Variants in PLCL1 observed in about 807,000 individuals in gnomAD.
PLCL1 encodes the protein phospholipase C like 1 (inactive).
PLCL1 carries 41 observed loss-of-function variants against 84.4 expected under a neutral mutation model. That is an observed-to-expected ratio of 0.49 (90% CI 0.38 to 0.63). The LOEUF is 0.63. Ranked by LOEUF, PLCL1 falls within the 30% of genes least tolerant of loss-of-function variation. The probability of loss-of-function intolerance (pLI) is 0.00; values close to 1 mark genes in which losing one functional copy is unlikely to be tolerated. For missense variants in PLCL1, 1,206 were observed against 1,367.8 expected, an observed-to-expected ratio of 0.88 and a Z score of 1.87; for synonymous variants, 490 against 488.3, an observed-to-expected ratio of 1.00 and a Z score of -0.05.
chr2:197,988,035 G>T (rs1173657878), intron 1 of PLCL1, among the ~76,000 whole-genome samples: 4 of 152,162 alleles, frequency 2.6e-5, no homozygotes, highest in African/African-American at 9.7e-5. Flanking sequence ...GAGGGAAAGA[G>T]CAGTGATCGG....
intron 1 of PLCL1, among the ~76,000 whole-genome samples, chr2:197,940,418 T>C (rs748378412): frequency 1.3e-5 from 2 of 152,234 alleles, no homozygotes; most frequent in Admixed American, 6.5e-5. Flanking sequence ...ATGATGTTTT[T>C]CAGCTTTCAG....
At chr2:197,962,404 T>A (rs1689640097) in intron 1 of PLCL1, among the ~76,000 whole-genome samples, 1 of 152,148 alleles carries the variant, frequency 6.6e-6, no homozygotes, top group Non-Finnish European at 1.5e-5. Context: ...TTCTGGATCA[T>A]CCATCACTGT....
chr2:198,091,660 A>G lies in PLCL1; in HGVS notation c.2919+2599A>G, dbSNP rs572333708. ...GCGCCATCGCACTCCAGCCTGGGTG[A>G]CAGAGCAAGATGCAATCTCAAATAA... On this transcript the variant is annotated intron_variant, in intron 3 of 5. Transcript: ENST00000428675. Among the ~76,000 whole-genome samples, 194 of 151,616 alleles carry G rather than the reference A, an allele frequency of 1.3e-3. 1 individual carries two copies. The highest frequency in any genetic ancestry group is 4.4e-3 in the African/African-American group (183 of 41,268).
At chr2:198,076,050 A>G (rs1159097541) in intron 1 of PLCL1, among the ~76,000 whole-genome samples, 1 of 152,214 alleles carries the variant, frequency 6.6e-6, no homozygotes. Context: ...TTTTATTTAG[A>G]TTGTCCCTTC....
chr2:197,866,685 T>C (rs1027846659), intron 1 of PLCL1, among the ~76,000 whole-genome samples: 3 of 152,292 alleles, frequency 2.0e-5, no homozygotes, highest in Non-Finnish European at 4.4e-5. Context: ...ATTCTGAAGC[T>C]GTGTTTTGCA....
At chr2:198,057,294 G>A (rs1692091563) in intron 1 of PLCL1, among the ~76,000 whole-genome samples, 7 of 152,116 alleles carry the variant, frequency 4.6e-5, no homozygotes, top group Admixed American at 4.6e-4. Context: ...GGCTCTTGAT[G>A]GTGCTGGGTT....
intron 1 of PLCL1, among the ~76,000 whole-genome samples, chr2:198,052,943 A>G (rs1320185296): frequency 1.3e-5 from 2 of 152,232 alleles, no homozygotes. Context: ...AAGTAATCAT[A>G]TGCTATATAT....
At position 197,866,036 on chromosome 2, in the gene PLCL1, A is replaced by ATATAT. The variant is rs1223736513; in HGVS notation, c.240+60697_240+60698insTATAT. 9.7e-3 allele frequency among the ~76,000 whole-genome samples: 274 copies of ATATAT among 28,238 alleles called. 64 individuals carry two copies. Among genetic ancestry groups the ATATAT allele is most frequent in the African/African-American group, 0.016 (42 of 2,640 alleles). 18.5% of individuals were successfully genotyped at this position (28,238 alleles called of 152,430 possible). ...AAAAAAAAAAAAAAAAAAAAAAAAA[A>ATATAT]ATATATATATATATATACACACACA... On this transcript the variant is annotated intron_variant, in intron 1 of 5. Transcript: ENST00000428675.
At chr2:197,946,471 A>C (rs1349072116) in intron 1 of PLCL1, among the ~76,000 whole-genome samples, 1 of 152,176 alleles carries the variant, frequency 6.6e-6, no homozygotes, top group African/African-American at 2.4e-5. Context: ...TGGCAAGCAA[A>C]GATAAGCAAA....
intron 1 of PLCL1, among the ~76,000 whole-genome samples, chr2:197,903,007 C>A (rs1436433725): frequency 1.3e-5 from 2 of 152,090 alleles, no homozygotes; most frequent in African/African-American, 4.8e-5. Flanking sequence ...GGCATTTAAC[C>A]TAAACAAAAC....
intron 1 of PLCL1, among the ~76,000 whole-genome samples, chr2:197,807,519 G>A (rs189878382): frequency 1.7e-5 from 2 of 115,466 alleles, no homozygotes; most frequent in Non-Finnish European, 3.7e-5. Flanking sequence ...GTTCCACTCC[G>A]TCTCTGAGAT....
At chr2:197,983,203 T>C (rs1409291308) in intron 1 of PLCL1, among the ~76,000 whole-genome samples, 125 of 11,130 alleles carry the variant, frequency 0.011, no homozygotes, top group African/African-American at 0.06. Context: ...TTCTTTTCTT[T>C]TTTTTTTTTT....
intron 4 of PLCL1, among the ~76,000 whole-genome samples, chr2:198,103,094 A>C (rs1162004819): frequency 6.6e-6 from 1 of 152,014 alleles, no homozygotes; most frequent in Non-Finnish European, 1.5e-5. Context: ...ATTGTTATCT[A>C]TGTGGGTTCC....
chr2:197,859,029 C>T (rs779128454), intron 1 of PLCL1, among the ~76,000 whole-genome samples: 51 of 152,242 alleles, frequency 3.3e-4, no homozygotes, highest in Non-Finnish European at 5.4e-4. Flanking sequence ...GGCCTCGTGA[C>T]GTCTATGCTT....
chr2:197,970,976 T>C lies in PLCL1; in HGVS notation c.241-112782T>C, dbSNP rs536863039. The stretch of plus-strand genomic sequence containing the variant: ...AATCATCAGATAATTGAATATCATA[T>C]TGTGATGTTATGTTTATGCTATAAT... On this transcript the variant is annotated intron_variant, in intron 1 of 5. Coordinates refer to ENST00000428675, the MANE Select transcript of PLCL1 (RefSeq NM_006226.4). Among the ~76,000 whole-genome samples, 3 of 152,348 alleles carry C rather than the reference T, an allele frequency of 2.0e-5. No homozygotes were observed. In the East Asian group the frequency reaches 5.8e-4, roughly 29 times the overall value.
intron 1 of PLCL1, among the ~76,000 whole-genome samples, chr2:197,962,444 CTTTTTAA>C (rs1689641076): frequency 6.6e-6 from 1 of 152,016 alleles, no homozygotes; most frequent in East Asian, 1.9e-4. Context: ...AATTGAATTT[CTTTTTAA>C]TTTTTAATTT....
At chr2:197,918,478 T>C (rs1688638032) in intron 1 of PLCL1, among the ~76,000 whole-genome samples, 1 of 152,180 alleles carries the variant, frequency 6.6e-6, no homozygotes, top group South Asian at 2.1e-4. Flanking sequence ...ACATGTACCA[T>C]AATATGTAAG....
chr2:197,968,615 A>G (rs528956205), intron 1 of PLCL1, among the ~76,000 whole-genome samples: 2 of 152,178 alleles, frequency 1.3e-5, no homozygotes, highest in Non-Finnish European at 2.9e-5. Flanking sequence ...CTCCAGTTTT[A>G]GTTTCCATTC....
chr2:198,103,779 T>C (rs1574314675), intron 4 of PLCL1, 48 bp from the exon 5 acceptor site: 1 of 902,806 alleles, frequency 1.1e-6, no homozygotes, highest in Non-Finnish European at 1.7e-6. Flanking sequence ...AAGATGCCCA[T>C]TTTTCTGAGA....
Sources: gnomAD v4.1 joint callset for allele counts (sites outside exome capture counted in the v4.1 genomes callset) on GRCh38, gnomAD v4.1.1 for gene constraint, MANE v1.5 for transcripts, NCBI Gene and HGNC (gene_info 2026-07-23, HGNC 2026-07-21) for gene names.